HS6ST2: variants seen among roughly 807,000 people sequenced by gnomAD.
HS6ST2 encodes heparan-sulfate 6-O-sulfotransferase 2.
A neutral mutation model predicts 33.0 loss-of-function variants in HS6ST2; 17 were observed. The ratio of observed to expected loss-of-function variants is 0.52; its 90% CI spans 0.35 to 0.77. The LOEUF is 0.77. Among genes scored for constraint, HS6ST2 ranks in the 30% least tolerant of loss-of-function variants. HS6ST2 has a pLI of 0.01. For synonymous variants in HS6ST2, 248 were observed against 237.1 expected (o/e 1.05, Z -0.42); for missense variants, 519 against 551.7 (o/e 0.94, Z 0.59).
At chrX:132,740,692 C>G (rs1240576047) in intron 2 of HS6ST2, among the ~76,000 whole-genome samples, 1 of 109,587 alleles carries the variant, frequency 9.1e-6, no homozygotes, top group Non-Finnish European at 1.9e-5. Flanking sequence ...TTCAGCCATG[C>G]AGTTCCCAAT....
At chrX:132,903,504 A>T (rs2066444107) in intron 2 of HS6ST2, among the ~76,000 whole-genome samples, 1 of 112,057 alleles carries the variant, frequency 8.9e-6, no homozygotes, top group Non-Finnish European at 1.9e-5. Context: ...GAAAACCAGA[A>T]CAAAGTTGGA....
At position 132,864,418 on chromosome X, in the gene HS6ST2, G is replaced by A. The variant is rs1419013384; in HGVS notation, c.947+92390C>T. On this transcript the variant is annotated intron_variant, in intron 2 of 4. Coordinates refer to ENST00000370833, the MANE Select transcript of HS6ST2 (RefSeq NM_001394073.1). ...TGGAGAAGAACATAAATGACCTGAT[G>A]GAGCTGAAAACACAGCATGAGAACT... 3.7e-5 allele frequency among the ~76,000 whole-genome samples: 4 copies of A among 107,653 alleles called. No homozygotes were observed. The East Asian group carries it at 1.2e-3, about 32-fold the overall frequency. The allele number at this position is 107,653 out of a possible 115,157, so 93.5% of individuals were successfully genotyped here.
chrX:132,631,991 A>T (rs998386543), intron 4 of HS6ST2, among the ~76,000 whole-genome samples: 1 of 111,007 alleles, frequency 9.0e-6, no homozygotes, highest in African/African-American at 3.3e-5. Flanking sequence ...AGGGTCTCTC[A>T]TGTTGTGGGT....
chrX:132,646,607 A>AC (rs1296331811), intron 4 of HS6ST2, among the ~76,000 whole-genome samples: 4 of 109,123 alleles, frequency 3.7e-5, no homozygotes, highest in Non-Finnish European at 7.6e-5. Flanking sequence ...CTCTAAGTGT[A>AC]CCTGGAGCTC....
intron 2 of HS6ST2, among the ~76,000 whole-genome samples, chrX:132,833,789 T>G (rs1465402687): frequency 9.2e-6 from 1 of 109,118 alleles, no homozygotes; most frequent in East Asian, 2.9e-4. Context: ...ATTATTATAC[T>G]TTAAGTTTTA....
intron 2 of HS6ST2, among the ~76,000 whole-genome samples, chrX:132,811,349 G>A (rs1341631391): frequency 9.1e-6 from 1 of 109,792 alleles, no homozygotes; most frequent in Non-Finnish European, 1.9e-5. Flanking sequence ...TTTTAATGGT[G>A]GTAAAACTTA....
intron 4 of HS6ST2, among the ~76,000 whole-genome samples, chrX:132,666,854 A>T (rs2063813848): frequency 9.0e-6 from 1 of 111,631 alleles, no homozygotes; most frequent in South Asian, 3.8e-4. Context: ...ATAACATCAG[A>T]ACATGGCATC....
chrX:132,833,260 C>T (rs2065608124), intron 2 of HS6ST2, among the ~76,000 whole-genome samples: 1 of 111,174 alleles, frequency 9.0e-6, no homozygotes, highest in East Asian at 2.8e-4. Context: ...TGTTGGGCCC[C>T]GTACATTAGC....
At chrX:132,776,183 T>C (rs17390) in intron 2 of HS6ST2, among the ~76,000 whole-genome samples, 33,815 of 111,114 alleles carry the variant, frequency 0.3, 4,018 homozygotes, top group Non-Finnish European at 0.35. Flanking sequence ...CAAAATTGAT[T>C]GAGAACATTT....
rs1277221097 is a variant in HS6ST2 at position 132,887,538 on chromosome X, T to C, written c.947+69270A>G. Among the ~76,000 whole-genome samples the C allele has an allele frequency of 4.4e-5, 5 of 112,365 alleles. No individual in the cohort carries two copies. The Admixed American group carries it at 4.7e-4, about 11-fold the overall frequency. ...AGAATGTGGTGAAACTGGAATCTCA[T>C]ATATTGCTATTGAGAAGGTATAATG... On this transcript the variant is annotated intron_variant, in intron 2 of 4. Transcript: ENST00000370833.
intron 2 of HS6ST2, among the ~76,000 whole-genome samples, chrX:132,780,320 T>A (rs1180331844): frequency 9.0e-6 from 1 of 110,787 alleles, no homozygotes; most frequent in Non-Finnish European, 1.9e-5. Context: ...AGTATAAAAC[T>A]GCCCTCATGC....
intron 2 of HS6ST2, among the ~76,000 whole-genome samples, chrX:132,832,135 T>C (rs997540807): frequency 5.4e-5 from 6 of 111,694 alleles, no homozygotes; most frequent in Non-Finnish European, 1.1e-4. Context: ...AAAGTTCATC[T>C]CCAACCAGTA....
intron 1 of HS6ST2, among the ~76,000 whole-genome samples, chrX:132,957,949 G>C (rs56290046): frequency 8.9e-6 from 1 of 111,984 alleles, no homozygotes. Context: ...CCGGCAGCCC[G>C]ACTTGCTATC....
intron 2 of HS6ST2, among the ~76,000 whole-genome samples, chrX:132,737,345 C>T (rs1415380643): frequency 8.9e-6 from 1 of 111,888 alleles, no homozygotes; most frequent in Non-Finnish European, 1.9e-5. Flanking sequence ...ACAACAGTTT[C>T]TGGTGCTCTT....
chrX:132,690,819 C>T (rs1297378274), intron 3 of HS6ST2, among the ~76,000 whole-genome samples: 3 of 111,589 alleles, frequency 2.7e-5, no homozygotes, highest in East Asian at 2.8e-4. Context: ...TTTCTCAGCC[C>T]TCTTTTTAAA....
At chrX:132,749,295 T>C (rs2064677409) in intron 2 of HS6ST2, among the ~76,000 whole-genome samples, 1 of 112,770 alleles carries the variant, frequency 8.9e-6, no homozygotes, top group African/African-American at 3.2e-5. Context: ...TTGGAACAAT[T>C]AGCCTTGGGC....
At chrX:132,698,160 T>C (rs1434765941) in intron 3 of HS6ST2, among the ~76,000 whole-genome samples, 1 of 111,726 alleles carries the variant, frequency 9.0e-6, no homozygotes, top group Non-Finnish European at 1.9e-5. Context: ...ATTGATTGTA[T>C]CTCATCGAAG....
At chrX:132,857,730 C>T (rs1182326842) in intron 2 of HS6ST2, among the ~76,000 whole-genome samples, 1 of 111,515 alleles carries the variant, frequency 9.0e-6, no homozygotes, top group East Asian at 2.8e-4. Context: ...AATGGCAGAT[C>T]TGGACAAGAA....
At chrX:132,779,434 A>T (rs759577485) in intron 2 of HS6ST2, among the ~76,000 whole-genome samples, 15 of 112,069 alleles carry the variant, frequency 1.3e-4, no homozygotes, top group Non-Finnish European at 2.8e-4. Context: ...TGCCTGAAAG[A>T]GTACAGCAGA....
Sources: allele counts gnomAD v4.1 joint callset (sites outside exome capture counted in the v4.1 genomes callset), GRCh38; gene constraint gnomAD v4.1.1; transcripts MANE v1.5; gene names NCBI Gene and HGNC (gene_info 2026-07-23, HGNC 2026-07-21).